The following NPAS3 variants were observed in gnomAD, a reference collection of about 807,000 sequenced individuals.
NPAS3 encodes the protein neuronal PAS domain-containing protein 3.
A neutral mutation model predicts 73.1 loss-of-function variants in NPAS3; 14 were observed. The ratio of observed to expected loss-of-function variants is 0.19; its 90% confidence interval spans 0.13 to 0.30. The LOEUF (loss-of-function observed/expected upper bound fraction) is 0.30, where lower values mean the gene tolerates loss of function less well. Among genes scored for constraint, NPAS3 ranks in the 10% least tolerant of loss-of-function variants. The pLI is 1.00. For missense variants in NPAS3, 1,096 were observed against 1,250.0 expected, an observed-to-expected ratio of 0.88 and a Z score of 1.86; for synonymous variants, 620 against 541.5, an observed-to-expected ratio of 1.14 and a Z score of -2.01.
chr14:33,754,081 T>A (rs949258466), intron 7 of NPAS3, among the ~76,000 whole-genome samples: 8 of 152,084 alleles, frequency 5.3e-5, no homozygotes, highest in Admixed American at 2.0e-4. Context: ...AGGAGAAACA[T>A]CCTCTTGGAG....
intron 1 of NPAS3, among the ~76,000 whole-genome samples, chr14:32,990,971 A>G (rs986769529): frequency 6.9e-6 from 1 of 145,150 alleles, no homozygotes; most frequent in Non-Finnish European, 1.5e-5. Flanking sequence ...TTGGAGGATT[A>G]ATCCATTTGT....
At chr14:33,364,271 C>G (rs1347804532) in intron 3 of NPAS3, among the ~76,000 whole-genome samples, 1 of 152,102 alleles carries the variant, frequency 6.6e-6, no homozygotes, top group Non-Finnish European at 1.5e-5. Context: ...CACGGAGAAA[C>G]AAAATACCTG....
chr14:33,785,449 A>AG (rs2063142271), intron 9 of NPAS3, among the ~76,000 whole-genome samples: 1 of 151,810 alleles, frequency 6.6e-6, no homozygotes, highest in Non-Finnish European at 1.5e-5. Flanking sequence ...AAAAAAAAAA[A>AG]AAAAAATCAA....
At position 33,417,759 on chromosome 14, in the gene NPAS3, G is replaced by GA. The variant is rs201131123; in HGVS notation, c.468+50500dup. Among the ~76,000 whole-genome samples the GA allele has an allele frequency of 2.3e-3, 343 of 148,184 alleles. 2 individuals are homozygous for GA. The highest frequency in any genetic ancestry group is 6.8e-3 in the African/African-American group (274 of 40,414). On this transcript the variant is annotated intron_variant, in intron 4 of 11. Transcript: ENST00000356141. ...ACCTGGGCAATGTGAATGCCTTTCT[G>GA]AAAAAAAAACATGAGGAGATCTCAC...
rs561436580 is a variant in NPAS3 at position 33,704,521 on chromosome 14, A to C, written c.733+28136A>C. ...ATAAAAAGTAGTTCATGCATAAAGC[A>C]TGATGCCCTGAAGCATATTAGATCT... On this transcript the variant is annotated intron_variant, in intron 6 of 11. Coordinates refer to ENST00000356141, the Ensembl canonical transcript of NPAS3. 4.6e-4 allele frequency among the ~76,000 whole-genome samples: 70 copies of C among 152,362 alleles called. 1 individual carries two copies. The South Asian group carries it at 0.013, about 28-fold the overall frequency.
At chr14:33,539,746 A>G (rs936483843) in intron 4 of NPAS3, among the ~76,000 whole-genome samples, 22 of 152,050 alleles carry the variant, frequency 1.4e-4, no homozygotes, top group African/African-American at 5.1e-4. Context: ...TATTGTTAAC[A>G]TTCTCTGTGG....
intron 1 of NPAS3, among the ~76,000 whole-genome samples, chr14:33,004,773 T>C: frequency 6.7e-6 from 1 of 150,294 alleles, no homozygotes; most frequent in East Asian, 1.9e-4. Flanking sequence ...TACATTTTTC[T>C]TTATCTGTAT....
intron 3 of NPAS3, among the ~76,000 whole-genome samples, chr14:33,268,000 A>G (rs1437351311): frequency 1.3e-5 from 2 of 152,226 alleles, no homozygotes; most frequent in Non-Finnish European, 2.9e-5. Flanking sequence ...TAAGGATGAC[A>G]TAAAAATTAA....
chr14:33,035,105 A>C (rs1435814927), intron 1 of NPAS3, among the ~76,000 whole-genome samples: 1 of 152,200 alleles, frequency 6.6e-6, no homozygotes, highest in African/African-American at 2.4e-5. Flanking sequence ...AAAGGGCATC[A>C]TTTAAAAAGT....
intron 2 of NPAS3, among the ~76,000 whole-genome samples, chr14:33,109,810 C>CTTTTTTTTTTTTTTTTTT: frequency 2.3e-5 from 2 of 86,948 alleles, no homozygotes; most frequent in Non-Finnish European, 4.2e-5. Flanking sequence ...ATTTGCATGT[C>CTTTTTTTTTTTTTTTTTT]TTTTTTTTTT....
chr14:33,566,798 A>G (rs1194971183), intron 5 of NPAS3, among the ~76,000 whole-genome samples: 1 of 152,182 alleles, frequency 6.6e-6, no homozygotes, highest in Non-Finnish European at 1.5e-5. Flanking sequence ...CATACATGTC[A>G]GTATCTAACA....
intron 3 of NPAS3, among the ~76,000 whole-genome samples, chr14:33,318,402 G>C (rs1431822977): frequency 6.6e-6 from 1 of 152,114 alleles, no homozygotes; most frequent in Non-Finnish European, 1.5e-5. Flanking sequence ...AACACGAAAA[G>C]AGTTCTGGAG....
chr14:33,392,827 T>C (rs887790799), intron 4 of NPAS3, among the ~76,000 whole-genome samples: 9 of 152,108 alleles, frequency 5.9e-5, no homozygotes, highest in Non-Finnish European at 1.3e-4. Context: ...CCTCTTTTCC[T>C]CCAGTGTTTT....
intron 5 of NPAS3, among the ~76,000 whole-genome samples, chr14:33,617,316 C>T (rs906592309): frequency 2.0e-5 from 3 of 152,032 alleles, no homozygotes; most frequent in African/African-American, 4.8e-5. Context: ...TTTTTGTGGT[C>T]GGAATTTTGA....
intron 3 of NPAS3, among the ~76,000 whole-genome samples, chr14:33,250,866 G>A (rs899511749): frequency 2.0e-5 from 3 of 151,952 alleles, no homozygotes; most frequent in African/African-American, 4.8e-5. Context: ...TAAATACCAT[G>A]GATAATATCT....
In NPAS3 at chr14:33,498,499, G is replaced by C. The variant is rs569060247; in HGVS notation, c.469-61622G>C. 1.2e-4 allele frequency among the ~76,000 whole-genome samples: 18 copies of C among 152,172 alleles called. No homozygotes were observed. The East Asian group carries it at 3.5e-3, about 30-fold the overall frequency. ...AAATGTGGCACATATACACCGTGGAGTACTATGCAGCCATAAAAAGGATGA... is the reference window on the plus strand; with the variant it reads ...AAATGTGGCACATATACACCGTGGACTACTATGCAGCCATAAAAAGGATGA... On this transcript the variant is annotated intron_variant, in intron 4 of 11. Transcript: ENST00000356141.
intron 5 of NPAS3, among the ~76,000 whole-genome samples, chr14:33,647,186 G>C (rs2058853689): frequency 6.6e-6 from 1 of 152,048 alleles, no homozygotes; most frequent in Non-Finnish European, 1.5e-5. Flanking sequence ...AGTATCCTCA[G>C]AGCATAAATC....
chr14:33,784,557 A>G (rs1757827298), intron 9 of NPAS3, among the ~76,000 whole-genome samples: 1 of 152,052 alleles, frequency 6.6e-6, no homozygotes, highest in Admixed American at 6.5e-5. Flanking sequence ...GGCTTAGAAG[A>G]GCATAGGAGA....
chr14:33,635,469 T>TA (rs2058488545), intron 5 of NPAS3, among the ~76,000 whole-genome samples: 1 of 152,186 alleles, frequency 6.6e-6, no homozygotes, highest in African/African-American at 2.4e-5. Context: ...TTTCGAGATG[T>TA]AAAAGCCTTG....
Sources: allele counts gnomAD v4.1 joint callset (sites outside exome capture counted in the v4.1 genomes callset), GRCh38; gene constraint gnomAD v4.1.1; transcripts MANE v1.5; gene names NCBI Gene and HGNC (gene_info 2026-07-23, HGNC 2026-07-21).